TBCK: variants seen among roughly 807,000 people sequenced by gnomAD.
The protein encoded by TBCK is TBC domain-containing protein kinase-like protein.
Under a neutral mutation model 113.4 loss-of-function variants are expected in TBCK, and 99 were observed. The observed-to-expected ratio is 0.87, with a 90% confidence interval of 0.74 to 1.03. The LOEUF (loss-of-function observed/expected upper bound fraction) is 1.03. TBCK is among the 50% of genes least tolerant of loss of function. The pLI, the probability that TBCK is intolerant of heterozygous loss-of-function variation, is 0.00. For missense variants in TBCK, 1,045 were observed against 1,061.3 expected, an observed-to-expected ratio of 0.98 and a Z score of 0.21; for synonymous variants, 369 against 370.8, an observed-to-expected ratio of 1.00 and a Z score of 0.05.
chr4:106,059,674 C>A (rs1735817982), intron 25 of TBCK, among the ~76,000 whole-genome samples: 1 of 151,568 alleles, frequency 6.6e-6, no homozygotes, highest in African/African-American at 2.4e-5. Flanking sequence ...CAATTAATAA[C>A]CTCAAAATGG....
chr4:106,095,459 A>G (rs1740791342), intron 25 of TBCK, 23 bp downstream of exon 25: 2 of 1,607,820 alleles, frequency 1.2e-6, no homozygotes, highest in East Asian at 4.5e-5. Context: ...ATATGTACAT[A>G]TGACATTTCT....
chr4:106,148,417 C>CT (rs1214153583), intron 23 of TBCK, among the ~76,000 whole-genome samples: 1 of 152,162 alleles, frequency 6.6e-6, no homozygotes, highest in Non-Finnish European at 1.5e-5. Flanking sequence ...TACTCTGTCC[C>CT]TTTATTTCTC....
At chr4:106,124,613 A>T (rs1744912624) in intron 23 of TBCK, among the ~76,000 whole-genome samples, 3 of 152,202 alleles carry the variant, frequency 2.0e-5, no homozygotes, top group African/African-American at 7.2e-5. Context: ...AATGTCCAAC[A>T]ATGATAGACT....
chr4:106,264,973 C>A (rs1352827359), intron 3 of TBCK, among the ~76,000 whole-genome samples: 1 of 151,864 alleles, frequency 6.6e-6, no homozygotes, highest in Non-Finnish European at 1.5e-5. Context: ...AACTTTGTTG[C>A]AGACATCCTG....
At chr4:106,170,607 T>C (rs1179192259) in intron 23 of TBCK, among the ~76,000 whole-genome samples, 1 of 152,104 alleles carries the variant, frequency 6.6e-6, no homozygotes, top group Non-Finnish European at 1.5e-5. Flanking sequence ...ATGATAATAT[T>C]AGAATATTCG....
intron 20 of TBCK, among the ~76,000 whole-genome samples, chr4:106,203,905 G>C (rs1413597992): frequency 6.6e-6 from 1 of 152,036 alleles, no homozygotes; most frequent in Non-Finnish European, 1.5e-5. Context: ...AATTCAAAGT[G>C]GCAGAAAATC....
intron 4 of TBCK, among the ~76,000 whole-genome samples, chr4:106,261,538 A>G (rs1762506633): frequency 6.6e-6 from 1 of 152,126 alleles, no homozygotes; most frequent in South Asian, 2.1e-4. Flanking sequence ...ATTATTCCTG[A>G]AAATATATAA....
chr4:106,070,825 G>T (rs1045136322), intron 25 of TBCK, among the ~76,000 whole-genome samples: 2 of 152,128 alleles, frequency 1.3e-5, no homozygotes, highest in Non-Finnish European at 2.9e-5. Flanking sequence ...TTCAGAGCCT[G>T]TTATTGGTCT....
At chr4:106,233,135 C>CA in intron 16 of TBCK, 71 bp from the exon 17 acceptor site, 1 of 1,348,278 alleles carries the variant, frequency 7.4e-7, no homozygotes, top group Non-Finnish European at 1.0e-6. Context: ...AATCCTTGTT[C>CA]ATTAAATAAG....
At chr4:106,172,537 G>A (rs915651247) in intron 22 of TBCK, among the ~76,000 whole-genome samples, 2 of 152,114 alleles carry the variant, frequency 1.3e-5, no homozygotes, top group Admixed American at 6.5e-5. Context: ...CATTTCCTCT[G>A]TAAAAGTCCA....
rs778313807 is a variant in TBCK, at chr4:106,216,386, TAGAG to T, written c.1775-3555_1775-3552del. ...AAAATCAGAGCAGAACTGAAGGAAA[TAGAG>T]ACACAAAAAACCCTTCAAAAAATTA... On this transcript the variant is annotated intron_variant, in intron 19 of 25. Transcript: ENST00000394708. 5.3e-5 allele frequency among the ~76,000 whole-genome samples: 8 copies of T among 151,500 alleles called. No homozygotes were observed. The South Asian group carries it at 1.0e-3, about 20-fold the overall frequency.
chr4:106,121,351 C>T (rs1429081586), intron 23 of TBCK, among the ~76,000 whole-genome samples: 74 of 147,486 alleles, frequency 5.0e-4, no homozygotes, highest in Admixed American at 8.1e-4. Context: ...GCACCCAATA[C>T]AGGAGCACCC....
In TBCK at chr4:106,182,922, C is replaced by T. The variant is rs368902895; in HGVS notation, c.2059+10687G>A. Among the ~76,000 whole-genome samples, 10 of 152,080 alleles carry T rather than the reference C, an allele frequency of 6.6e-5. No homozygotes were observed. The East Asian group carries it at 1.6e-3, about 24-fold the overall frequency. On this transcript the variant is annotated intron_variant, in intron 22 of 25. Coordinates refer to ENST00000394708, the MANE Select transcript of TBCK (RefSeq NM_001163435.3). ...ATAGAAATGGCATAGAATTAGTCTT[C>T]CAACAAAGAATTAATAACCTTGAGT...
At chr4:106,061,253 A>G (rs936450920) in intron 25 of TBCK, among the ~76,000 whole-genome samples, 13 of 151,780 alleles carry the variant, frequency 8.6e-5, no homozygotes, top group Admixed American at 5.3e-4. Flanking sequence ...TGAAGAGTCA[A>G]TTGATACGGC....
chr4:106,245,953 C>G (rs1017381076), intron 10 of TBCK, among the ~76,000 whole-genome samples: 1 of 152,104 alleles, frequency 6.6e-6, no homozygotes, highest in Non-Finnish European at 1.5e-5. Flanking sequence ...AAAAAAACAT[C>G]TGGAATTTTC....
intron 23 of TBCK, among the ~76,000 whole-genome samples, chr4:106,155,888 G>A (rs1210407227): frequency 1.3e-5 from 2 of 152,018 alleles, no homozygotes; most frequent in Non-Finnish European, 2.9e-5. Flanking sequence ...GGTCCCTGGT[G>A]GCTTATTTAG....
intron 3 of TBCK, among the ~76,000 whole-genome samples, chr4:106,263,261 A>G (rs1461072411): frequency 6.6e-6 from 1 of 151,922 alleles, no homozygotes; most frequent in Non-Finnish European, 1.5e-5. Context: ...AGTAGAGATA[A>G]TATGGAATAA....
At position 106,076,439 on chromosome 4, in the gene TBCK, T is replaced by G. The variant is rs149295263; in HGVS notation, c.2571+19043A>C. Among the ~76,000 whole-genome samples, 494 of 152,178 alleles carry G rather than the reference T, an allele frequency of 3.2e-3. 14 individuals carry two copies. Among genetic ancestry groups the G allele is most frequent in the Non-Finnish European group, 9.1e-4 (62 of 68,014 alleles). ...TGTGGTAGCAGTAAAAAATAATAATTTAACAACTTACATCAAAATAATATA... is the reference window on the plus strand; with the variant it reads ...TGTGGTAGCAGTAAAAAATAATAATGTAACAACTTACATCAAAATAATATA... On this transcript the variant is annotated intron_variant, in intron 25 of 25. Transcript: ENST00000394708.
At chr4:106,294,809 A>T (rs1327745056) in intron 3 of TBCK, among the ~76,000 whole-genome samples, 1 of 152,138 alleles carries the variant, frequency 6.6e-6, no homozygotes, top group Non-Finnish European at 1.5e-5. Context: ...TCAGCTAGTG[A>T]AATGCTTAGT....
Sources: gnomAD v4.1 joint callset for allele counts (sites outside exome capture counted in the v4.1 genomes callset) on GRCh38, gnomAD v4.1.1 for gene constraint, MANE v1.5 for transcripts, NCBI Gene and HGNC (gene_info 2026-07-23, HGNC 2026-07-21) for gene names.